DYSF: variants seen among roughly 807,000 people sequenced by gnomAD.
DYSF encodes dysferlin.
A neutral mutation model predicts 274.9 loss-of-function variants in DYSF; 212 were observed. That is an observed-to-expected ratio of 0.77 (90% CI 0.69 to 0.86). The LOEUF is 0.86. Ranked by LOEUF, DYSF falls within the 40% of genes least tolerant of loss-of-function variation. The pLI is 0.00. For missense variants in DYSF, 2,666 were observed against 2,783.2 expected (o/e 0.96, Z 0.95); for synonymous variants, 1,091 against 1,078.7 (o/e 1.01, Z -0.22).
rs536288140 is a variant in DYSF at position 71,666,171 on chromosome 2, G to A, written c.5317+867G>A. ...CCATAGAATGAGCATCTGTTTTCGG[G>A]GGAGTCTCATTTCCTTCTACTAGTC... On this transcript the variant is annotated intron_variant, in intron 47 of 55. Coordinates refer to ENST00000410020, the MANE Select transcript of DYSF (RefSeq NM_001130987.2). Among the ~76,000 whole-genome samples the A allele has an allele frequency of 2.6e-3, 391 of 152,222 alleles. 1 individual carries two copies. Among genetic ancestry groups the A allele is most frequent in the Non-Finnish European group, 3.5e-3 (236 of 68,024 alleles).
At chr2:71,620,635 G>T (rs1314063422) in intron 41 of DYSF, 26 bp downstream of exon 41, 1 of 1,549,650 alleles carries the variant, frequency 6.5e-7, no homozygotes, top group Admixed American at 2.0e-5. Flanking sequence ...TTATTTGTGG[G>T]CTCCTTGTAT....
chr2:71,638,698 A>G (rs1321164617), intron 41 of DYSF, among the ~76,000 whole-genome samples: 1 of 152,208 alleles, frequency 6.6e-6, no homozygotes, highest in Non-Finnish European at 1.5e-5. Flanking sequence ...GTGCCAGTGT[A>G]AGGATATATC....
In DYSF at chr2:71,555,954, C is replaced by T. The variant is rs780520305; in HGVS notation, c.2110-11C>T. ...GGTGACACACCTGACCCTTGCCTGC[C>T]CATTCCACAGGAAGCTGGCCTGGAG... On this transcript the variant is annotated splice_polypyrimidine_tract_variant and intron_variant, in intron 21 of 55. Coordinates refer to ENST00000410020, the MANE Select transcript of DYSF (RefSeq NM_001130987.2). 5.1e-6 allele frequency: 8 copies of T among 1,554,444 alleles called. No homozygotes were observed. Among genetic ancestry groups the T allele is most frequent in the South Asian group, 1.2e-5 (1 of 84,350 alleles).
intron 12 of DYSF, among the ~76,000 whole-genome samples, chr2:71,523,116 A>G (rs1678160931): frequency 6.6e-6 from 1 of 152,216 alleles, no homozygotes; most frequent in Admixed American, 6.5e-5. Flanking sequence ...TGCTTCGGCA[A>G]TGATCAGAGA....
At chr2:71,556,201 G>A (rs1009848872) in intron 22 of DYSF, 130 bp downstream of exon 22, 15 of 763,308 alleles carry the variant, frequency 2.0e-5, no homozygotes, top group Admixed American at 4.1e-5. Flanking sequence ...AGTCCAGCCC[G>A]TGCTGAGTCC....
At chr2:71,653,240 A>G (rs2094698942) in intron 42 of DYSF, among the ~76,000 whole-genome samples, 1 of 152,226 alleles carries the variant, frequency 6.6e-6, no homozygotes, top group Non-Finnish European at 1.5e-5. Flanking sequence ...ACCATTGTGG[A>G]AGTCAGTGTG....
intron 42 of DYSF, among the ~76,000 whole-genome samples, chr2:71,653,591 A>C (rs1325818245): frequency 1.4e-5 from 2 of 145,360 alleles, no homozygotes; most frequent in Admixed American, 7.2e-5. Flanking sequence ...GTTCTCACTC[A>C]TAGGTGGGAA....
chr2:71,672,958 G>A (rs2152959919), intron 51 of DYSF, among the ~76,000 whole-genome samples: 1 of 152,358 alleles, frequency 6.6e-6, no homozygotes, highest in South Asian at 2.1e-4. Flanking sequence ...CACGGGGCAG[G>A]GGTCATGGTC....
intron 40 of DYSF, among the ~76,000 whole-genome samples, chr2:71,618,414 T>G (rs1349536155): frequency 2.6e-4 from 14 of 53,282 alleles, no homozygotes; most frequent in East Asian, 5.6e-4. Flanking sequence ...GTAGAGGTGG[T>G]GTGTGTGTGG....
intron 44 of DYSF, among the ~76,000 whole-genome samples, chr2:71,659,890 AGGCAGGTTT>A (rs953489865): frequency 4.6e-5 from 7 of 152,240 alleles, no homozygotes; most frequent in Non-Finnish European, 1.0e-4. Flanking sequence ...TTGTCTCCTG[AGGCAGGTTT>A]AGGCCCAGCA....
intron 3 of DYSF, among the ~76,000 whole-genome samples, chr2:71,496,376 G>A (rs2084393311): frequency 6.6e-6 from 1 of 152,048 alleles, no homozygotes; most frequent in Non-Finnish European, 1.5e-5. Flanking sequence ...AATCAGTGCA[G>A]GGGTCAATCA....
intron 1 of DYSF, among the ~76,000 whole-genome samples, chr2:71,455,997 C>T (rs768628491): frequency 2.0e-5 from 3 of 152,144 alleles, no homozygotes; most frequent in Non-Finnish European, 2.9e-5. Context: ...CCCAGAAGTG[C>T]AGGAAGTGCT....
At chr2:71,508,446 T>G (rs1450776841) in intron 4 of DYSF, among the ~76,000 whole-genome samples, 1 of 152,264 alleles carries the variant, frequency 6.6e-6, no homozygotes, top group Non-Finnish European at 1.5e-5. Context: ...CCTAGTTGTT[T>G]TGTTTCTTCA....
upstream of DYSF, chr2:71,466,616 C>A (rs937688640): frequency 4.0e-6 from 5 of 1,238,998 alleles, no homozygotes; most frequent in Admixed American, 8.2e-5. Context: ...GCGGGCAGGG[C>A]GGATCTGGGT....
chr2:71,470,895 G>A (rs2081988389), intron 1 of DYSF, among the ~76,000 whole-genome samples: 1 of 150,874 alleles, frequency 6.6e-6, no homozygotes, highest in Non-Finnish European at 1.5e-5. Context: ...AGGTTCGAGT[G>A]ATTCTCCTGC....
intron 41 of DYSF, among the ~76,000 whole-genome samples, chr2:71,622,130 G>GTTTTTTTTTTT (rs74263952): frequency 0.23 from 21,523 of 94,936 alleles, 3,571 homozygotes; most frequent in East Asian, 0.33. Context: ...TGATTTCTTT[G>GTTTTTTTTTTT]TTTTTTTTTT....
At chr2:71,472,657 T>C (rs545948421) in intron 1 of DYSF, among the ~76,000 whole-genome samples, 127 of 152,286 alleles carry the variant, frequency 8.3e-4, no homozygotes, top group African/African-American at 2.4e-3. Flanking sequence ...CCACCCGCCT[T>C]GGCCTCCCAA....
rs2081914901 is a variant in DYSF, at chr2:71,470,439, A to G, written c.91+3506A>G. ...TGTAATCCCAGCAATTTGGGAGGCC[A>G]AGGCGGGTGGATCATGAGGTCAGGA... On this transcript the variant is annotated intron_variant, in intron 1 of 55. Coordinates refer to ENST00000410020, the MANE Select transcript of DYSF (RefSeq NM_001130987.2). Among the ~76,000 whole-genome samples the G allele has an allele frequency of 3.3e-5, 5 of 152,070 alleles. No homozygotes were observed. The South Asian group carries it at 1.0e-3, about 31-fold the overall frequency.
chr2:71,615,063 G>A lies in DYSF; in HGVS notation c.4464+1653G>A, dbSNP rs927182665. Among the ~76,000 whole-genome samples the A allele has an allele frequency of 5.9e-5, 9 of 152,286 alleles. No individual in the cohort carries two copies. The highest frequency in any genetic ancestry group is 1.2e-4 in the African/African-American group (5 of 41,556). On this transcript the variant is annotated intron_variant, in intron 40 of 55. Coordinates refer to ENST00000410020, the MANE Select transcript of DYSF (RefSeq NM_001130987.2). This position sits in a 1 kb window ranked among gnomAD's most constrained non-coding sequence, Gnocchi z 4.9. ...GCAGGGCCTGCCCAGCAGGATTTCC[G>A]TTCTGTGTGTGCTGCCCTCAAAATG...
Sources: allele counts gnomAD v4.1 joint callset (sites outside exome capture counted in the v4.1 genomes callset), GRCh38; gene constraint gnomAD v4.1.1; non-coding constraint Gnocchi (gnomAD v3.1); transcripts MANE v1.5; gene names NCBI Gene and HGNC (gene_info 2026-07-23, HGNC 2026-07-21).